The following ZNF730 variants were observed in gnomAD, a reference collection of about 807,000 sequenced individuals.
The protein encoded by ZNF730 is zinc finger protein 730.
A neutral mutation model predicts 12.6 loss-of-function variants in ZNF730; 12 were observed. The observed-to-expected ratio is 0.95, with a 90% CI of 0.61 to 1.54. The LOEUF is 1.54. ZNF730 is among the 40% of genes most tolerant of loss of function. The probability of loss-of-function intolerance (pLI) is 0.00; values close to 1 mark genes in which losing one functional copy is unlikely to be tolerated. For missense variants in ZNF730, 643 were observed against 583.5 expected (o/e 1.10, Z -1.05); for synonymous variants, 194 against 195.8 (o/e 0.99, Z 0.08).
rs1971026861 is a variant in ZNF730, at chr19:23,147,048, C to G, written c.*492C>G. 3.7e-6 allele frequency: 1 copy of G among 271,266 alleles called. No individual in the cohort carries two copies. The highest frequency in any genetic ancestry group is 4.9e-5 in the Admixed American group (1 of 20,366). 16.8% of individuals were successfully genotyped at this position (271,266 alleles called of 1,614,324 possible). A position where few individuals can be genotyped will look rare whatever the true frequency, so the allele number is the denominator to read the frequency against. On this transcript the variant is annotated 3_prime_UTR_variant, in exon 4 of 4. Coordinates refer to ENST00000597761, the MANE Select transcript of ZNF730 (RefSeq NM_001277403.2). ...AGGTGATTCATACTGGAGAAAACTT[C>G]TACAAGTGTAAACAAAGTGGCAAAA...
At chr19:23,108,638 G>A (rs1970423790) in intron 1 of ZNF730, among the ~76,000 whole-genome samples, 1 of 152,206 alleles carries the variant, frequency 6.6e-6, no homozygotes, top group Non-Finnish European at 1.5e-5. Flanking sequence ...TTTAGTAAGT[G>A]TTGAAAATCA....
At chr19:23,132,592 T>G (rs1017266740) in intron 1 of ZNF730, among the ~76,000 whole-genome samples, 1 of 152,200 alleles carries the variant, frequency 6.6e-6, no homozygotes, top group African/African-American at 2.4e-5. Flanking sequence ...ATATTAAAAA[T>G]GTTCCCTTTG....
chr19:23,077,217 A>G (rs1397598622), intron 1 of ZNF730, among the ~76,000 whole-genome samples: 1 of 152,054 alleles, frequency 6.6e-6, no homozygotes, highest in East Asian at 1.9e-4. Flanking sequence ...AAAGTAATTA[A>G]TGGGTACTAG....
rs200934584 is a variant in ZNF730 at position 23,135,956 on chromosome 19, G to A, written c.139G>A (p.Val47Ile). 2.7e-5 allele frequency: 44 copies of A among 1,609,212 alleles called. No individual in the cohort carries two copies. The Admixed American group carries it at 7.4e-4, about 27-fold the overall frequency. Residue 47 changes from valine to isoleucine, a missense_variant, in exon 3 of 4, where the codon GTC (valine) becomes ATC (isoleucine). Coordinates refer to ENST00000597761, the MANE Select transcript of ZNF730 (RefSeq NM_001277403.2). The stretch of plus-strand genomic sequence containing the variant: ...TATTTTTCATAAAACAGGTATTGCT[G>A]TCTCAAAGCCAGACCTGATCACCTG... Reference protein sequence around the residue: ...YRNLVFLGIAVSKPDLITCLE... With the variant: ...YRNLVFLGIAISKPDLITCLE...
At position 23,075,679 on chromosome 19, in the gene ZNF730, T is replaced by G. The variant is rs1599558917; in HGVS notation, c.-94+292T>G. Among the ~76,000 whole-genome samples, 4 of 152,046 alleles carry G rather than the reference T, an allele frequency of 2.6e-5. No homozygotes were observed. In the South Asian group the frequency reaches 8.3e-4, roughly 31 times the overall value. On this transcript the variant is annotated intron_variant, in intron 1 of 2. Transcript: ENST00000593635. ...TGCCAGGCGGGTCATCAGGGTAGAA[T>G]CCCGACTAGGTGTGTGCGTGGGAGG...
chr19:23,121,557 G>A (rs1202174385), intron 1 of ZNF730, among the ~76,000 whole-genome samples: 4 of 152,128 alleles, frequency 2.6e-5, no homozygotes, highest in Non-Finnish European at 5.9e-5. Context: ...GGTCAGGCTG[G>A]TCTTGAACTC....
intron 1 of ZNF730, among the ~76,000 whole-genome samples, chr19:23,119,282 C>T (rs1039325119): frequency 3.3e-5 from 5 of 152,086 alleles, no homozygotes; most frequent in Non-Finnish European, 5.9e-5. Context: ...TTTTCTGTAT[C>T]GAAATAATTT....
At chr19:23,129,031 G>A (rs1176463426) in intron 1 of ZNF730, among the ~76,000 whole-genome samples, 1 of 152,150 alleles carries the variant, frequency 6.6e-6, no homozygotes, top group Non-Finnish European at 1.5e-5. Context: ...TTGAGCCTGT[G>A]GGTTCACGGA....
chr19:23,110,945 C>T (rs917028392), intron 1 of ZNF730, among the ~76,000 whole-genome samples: 1 of 152,094 alleles, frequency 6.6e-6, no homozygotes, highest in Non-Finnish European at 1.5e-5. Context: ...CTATGATAAC[C>T]CCTCAGTTTT....
chr19:23,127,636 CTT>C (rs373400705), intron 1 of ZNF730: 8 of 1,108,332 alleles, frequency 7.2e-6, no homozygotes, highest in South Asian at 1.2e-5. Flanking sequence ...GCAATAAACT[CTT>C]TGTGTGAATG....
At chr19:23,090,940 C>T (rs1970148750) in intron 1 of ZNF730, among the ~76,000 whole-genome samples, 1 of 151,202 alleles carries the variant, frequency 6.6e-6, no homozygotes, top group South Asian at 2.1e-4. Flanking sequence ...GTGGAGGTTG[C>T]AGTGAGCCAA....
In ZNF730 at chr19:23,085,814, C is replaced by T. The variant is rs1328226447; in HGVS notation, c.-94+10427C>T. 1.3e-4 allele frequency among the ~76,000 whole-genome samples: 17 copies of T among 130,188 alleles called. No homozygotes were observed. In the East Asian group the frequency reaches 3.4e-3, roughly 26 times the overall value. The allele number at this position is 130,188 out of a possible 152,430, so 85.4% of individuals were successfully genotyped here. A position where few individuals can be genotyped will look rare whatever the true frequency, so the allele number is the denominator to read the frequency against. On this transcript the variant is annotated intron_variant, in intron 1 of 2. Coordinates refer to the ZNF730 transcript ENST00000593635. The stretch of plus-strand genomic sequence containing the variant: ...CTGATGTGAGCCACCGCACCCAGAC[C>T]TATTTCACCCAATTTTTTTTTCTTT...
intron 3 of ZNF730, among the ~76,000 whole-genome samples, chr19:23,140,607 TAAAA>T (rs35291458): frequency 7.8e-6 from 1 of 128,872 alleles, no homozygotes; most frequent in Non-Finnish European, 1.6e-5. Flanking sequence ...GACTCGGTCT[TAAAA>T]AAAAAAAAAA....
At chr19:23,094,491 A>C (rs1970218223) in intron 1 of ZNF730, among the ~76,000 whole-genome samples, 1 of 151,860 alleles carries the variant, frequency 6.6e-6, no homozygotes, top group African/African-American at 2.4e-5. Context: ...TTATTTATTT[A>C]TTTATTTTGA....
At chr19:23,134,704 A>G (rs1970801822) in intron 2 of ZNF730, among the ~76,000 whole-genome samples, 1 of 141,870 alleles carries the variant, frequency 7.0e-6, no homozygotes, top group South Asian at 2.3e-4. Flanking sequence ...CTGCCCGGCC[A>G]CGACCCCGTC....
In ZNF730 at chr19:23,146,508, CT is replaced by C. The variant is rs776779609; in HGVS notation, c.1467del (p.Phe489LeufsTer36). On this transcript the variant is annotated frameshift_variant, in exon 4 of 4. Coordinates refer to ENST00000597761, the MANE Select transcript of ZNF730 (RefSeq NM_001277403.2). LOFTEE classifies it low-confidence loss of function (END_TRUNC). ...IYKCKECGKA[F>X]RRFSHLTRHK... Reference sequence around the variant, plus strand: ...ACAAATGTAAAGAATGTGGTAAAGCCTTTAGGCGGTTCTCACACCTTACTAG... The same window carrying C: ...ACAAATGTAAAGAATGTGGTAAAGCCTTAGGCGGTTCTCACACCTTACTAG... The C allele has an allele frequency of 3.1e-6, 5 of 1,591,166 alleles. No homozygotes were observed. The South Asian group carries it at 4.5e-5, about 14-fold the overall frequency.
intron 3 of ZNF730, among the ~76,000 whole-genome samples, chr19:23,139,629 A>G (rs1015041079): frequency 3.3e-5 from 5 of 152,096 alleles, no homozygotes; most frequent in Non-Finnish European, 7.4e-5. Context: ...AATTCAAGCA[A>G]TTCTCCTGTC....
intron 1 of ZNF730, among the ~76,000 whole-genome samples, chr19:23,087,775 C>T (rs992665082): frequency 6.6e-6 from 1 of 151,754 alleles, no homozygotes; most frequent in African/African-American, 2.4e-5. Flanking sequence ...GCCACCACGC[C>T]TGGCTAATTT....
chr19:23,142,742 A>T (rs1437396006), intron 3 of ZNF730, among the ~76,000 whole-genome samples: 1 of 150,010 alleles, frequency 6.7e-6, no homozygotes, highest in African/African-American at 2.4e-5. Context: ...AATTATATAT[A>T]TTTTTAAATA....
Sources: gnomAD v4.1 joint callset for allele counts (sites outside exome capture counted in the v4.1 genomes callset) on GRCh38, gnomAD v4.1.1 for gene constraint, MANE v1.5 for transcripts, NCBI Gene and HGNC (gene_info 2026-07-23, HGNC 2026-07-21) for gene names.